PSD2: variants seen among roughly 807,000 people sequenced by gnomAD.
PSD2 encodes the protein PH and SEC7 domain-containing protein 2.
A neutral mutation model predicts 69.8 loss-of-function variants in PSD2; 38 were observed. That is an observed-to-expected ratio of 0.54 (90% CI 0.42 to 0.71). PSD2 has a LOEUF of 0.71. Ranked by LOEUF, PSD2 falls within the 30% of genes least tolerant of loss-of-function variation. The probability of loss-of-function intolerance (pLI) is 0.00; values close to 1 mark genes in which losing one functional copy is unlikely to be tolerated. For missense variants in PSD2, 943 were observed against 1,014.5 expected, an observed-to-expected ratio of 0.93 and a Z score of 0.96; for synonymous variants, 412 against 423.0, an observed-to-expected ratio of 0.97 and a Z score of 0.32.
chr5:139,805,129 G>A (rs890613627), intron 1 of PSD2, among the ~76,000 whole-genome samples: 1 of 152,198 alleles, frequency 6.6e-6, no homozygotes, highest in Non-Finnish European at 1.5e-5. Context: ...TTGTATGTCT[G>A]CTGTCAGGTC....
At chr5:139,804,410 T>G (rs549999087) in intron 1 of PSD2, among the ~76,000 whole-genome samples, 2 of 152,316 alleles carry the variant, frequency 1.3e-5, no homozygotes, top group East Asian at 3.9e-4. Context: ...CAAGGATGGA[T>G]AGAGGGCTTT....
the PSD2 span, among the ~76,000 whole-genome samples, chr5:139,757,992 G>A: frequency 1.3e-5 from 2 of 152,204 alleles, no homozygotes; most frequent in African/African-American, 4.8e-5. Flanking sequence ...AGTGAGCTAG[G>A]ATTGTGCCAC....
chr5:139,800,249 C>T (rs1338035577), intron 1 of PSD2, among the ~76,000 whole-genome samples: 1 of 152,254 alleles, frequency 6.6e-6, no homozygotes, highest in Non-Finnish European at 1.5e-5. Flanking sequence ...TGGCCTACCC[C>T]ACTCCTGCAC....
chr5:139,784,997 G>A, the PSD2 span, among the ~76,000 whole-genome samples: 2 of 151,786 alleles, frequency 1.3e-5, no homozygotes, highest in Non-Finnish European at 2.9e-5. Flanking sequence ...GACCTCAGGT[G>A]ATCTGCTCAC....
Position 139,840,017 on chromosome 5 carries a change from G to C in PSD2, c.1969-10G>C, listed in dbSNP as rs374158195. 9.3e-6 allele frequency: 15 copies of C among 1,614,160 alleles called. No homozygotes were observed. Among genetic ancestry groups the C allele is most frequent in the Non-Finnish European group, 1.3e-5 (15 of 1,179,996 alleles). ...AGTAAGGCCTCACAGTCCAGGATTT[G>C]TCTTTGCAGGAGGAGCAACTGCGGT... On this transcript the variant is annotated splice_polypyrimidine_tract_variant and intron_variant, in intron 13 of 14. Coordinates refer to ENST00000274710, the MANE Select transcript of PSD2 (RefSeq NM_032289.4).
chr5:139,833,681 A>T, intron 7 of PSD2, 21 bp from the exon 8 acceptor site: 1 of 1,592,904 alleles, frequency 6.3e-7, no homozygotes, highest in Non-Finnish European at 8.6e-7. Context: ...ACTCTTAGGC[A>T]GAACCATTTC....
Position 139,795,991 on chromosome 5 carries a change from G to A in PSD2, c.-51+16G>A, listed in dbSNP as rs1219561766. 1 of 150,994 alleles carries A rather than the reference G, an allele frequency of 6.6e-6. No homozygotes were observed. The highest frequency in any genetic ancestry group is 2.4e-5 in the African/African-American group (1 of 41,292). 9.4% of individuals were successfully genotyped at this position (150,994 alleles called of 1,614,324 possible). On this transcript the variant is annotated intron_variant, in intron 1 of 14. Transcript: ENST00000274710. This position sits in a 1 kb window ranked among gnomAD's most constrained non-coding sequence, Gnocchi z 4.5. ...ACCAGCAGCGGTGAGTGGGGCCGCGGGGCTCCGGGACCCGCCCCTCCCCGC... is the reference window on the plus strand; with the variant it reads ...ACCAGCAGCGGTGAGTGGGGCCGCGAGGCTCCGGGACCCGCCCCTCCCCGC...
Position 139,814,502 on chromosome 5 carries a change from C to T in PSD2, c.1016+138C>T. The T allele has an allele frequency of 1.4e-6, 1 of 715,614 alleles. No homozygotes were observed. Among genetic ancestry groups the T allele is most frequent in the Non-Finnish European group, 2.2e-6 (1 of 459,396 alleles). 44.3% of individuals were successfully genotyped at this position (715,614 alleles called of 1,614,324 possible). ...AACAGTTCCCCAAGGACACCTCCTC[C>T]CGCCACTGTCCTCATTCCTGGCCTC... is the stretch of plus-strand genomic sequence containing the variant. On this transcript the variant is annotated intron_variant, in intron 4 of 14. Coordinates refer to ENST00000274710, the MANE Select transcript of PSD2 (RefSeq NM_032289.4). The surrounding 1 kb of genome is among the most constrained non-coding windows in gnomAD (Gnocchi z 4.4).
intron 7 of PSD2, among the ~76,000 whole-genome samples, chr5:139,831,439 T>C (rs766740): frequency 0.17 from 26,249 of 152,210 alleles, 2,413 homozygotes; most frequent in African/African-American, 0.24. Context: ...TGTTTTCTCT[T>C]TGACTCCTCT....
At position 139,814,286 on chromosome 5, in the gene PSD2, C is replaced by T. The variant is rs1760061031; in HGVS notation, c.938C>T (p.Ala313Val). The T allele has an allele frequency of 6.2e-7, 1 of 1,613,810 alleles. No individual in the cohort carries two copies. The highest frequency in any genetic ancestry group is 8.5e-7 in the Non-Finnish European group (1 of 1,179,848). The stretch of plus-strand genomic sequence containing the variant: ...AACGGGTGCCAGGGGGTCAGTGAAG[C>T]TGCTCATCGGCTGGCACGCCGTCTC... ...LANGCQGVSE[A>V]AHRLARRLYH... Residue 313 changes from alanine to valine, a missense_variant, in exon 4 of 15, where the codon GCT becomes GTT. Transcript: ENST00000274710. The surrounding 1 kb of genome is among the most constrained non-coding windows in gnomAD (Gnocchi z 4.4).
the PSD2 span, among the ~76,000 whole-genome samples, chr5:139,751,066 T>C: frequency 6.6e-6 from 1 of 152,036 alleles, no homozygotes; most frequent in Admixed American, 6.5e-5. Context: ...CATGGCAGGG[T>C]CTGGATATCA....
the PSD2 span, among the ~76,000 whole-genome samples, chr5:139,751,694 T>C: frequency 6.6e-6 from 1 of 151,970 alleles, no homozygotes; most frequent in East Asian, 1.9e-4. Context: ...ATGTCGATGC[T>C]CATCACCGCC....
upstream of PSD2, among the ~76,000 whole-genome samples, chr5:139,791,345 G>A (rs144271830): frequency 1.9e-3 from 296 of 152,256 alleles, 1 homozygote; most frequent in Middle Eastern, 3.4e-3. Context: ...TGGGAGGATC[G>A]CTTGAGCCTG....
At chr5:139,747,095 T>C in the PSD2 span, among the ~76,000 whole-genome samples, 1 of 152,176 alleles carries the variant, frequency 6.6e-6, no homozygotes, top group Non-Finnish European at 1.5e-5. The surrounding 1 kb of genome is among the most constrained non-coding windows in gnomAD (Gnocchi z 6.7). Flanking sequence ...TGTCTCCGTG[T>C]CTATCTCCAC....
intron 1 of PSD2, 145 bp from the exon 2 acceptor site, chr5:139,809,246 C>T (rs758759595): frequency 4.3e-5 from 28 of 657,678 alleles, no homozygotes; most frequent in Admixed American, 1.8e-4. Context: ...CGAACCCACA[C>T]TCCAGCTGGA....
intron 1 of PSD2, among the ~76,000 whole-genome samples, chr5:139,797,902 G>C (rs1198690600): frequency 1.3e-5 from 2 of 152,182 alleles, no homozygotes; most frequent in Admixed American, 1.3e-4. Flanking sequence ...AGGTGGGATA[G>C]AGTGTCTCTC....
intron 3 of PSD2, 144 bp downstream of exon 3, chr5:139,813,902 T>G (rs1581719747): frequency 1.3e-6 from 1 of 767,150 alleles, no homozygotes; most frequent in Non-Finnish European, 2.0e-6. Context: ...GCATCCAGGC[T>G]TCCCACCCTG....
At chr5:139,815,391 G>A (rs1271824533) in intron 4 of PSD2, among the ~76,000 whole-genome samples, 1 of 152,110 alleles carries the variant, frequency 6.6e-6, no homozygotes, top group African/African-American at 2.4e-5. Context: ...ACTCCCTCCA[G>A]CAGCTAATTG....
At position 139,839,714 on chromosome 5, in the gene PSD2, G is replaced by T. The variant is rs529296957; in HGVS notation, c.1969-313G>T. On this transcript the variant is annotated intron_variant, in intron 13 of 14. Transcript: ENST00000274710. This position sits in a 1 kb window ranked among gnomAD's most constrained non-coding sequence, Gnocchi z 5.1. ...CATATGAGCTGGGTTTTGTGTGGGG[G>T]TCATTGTGTGTCTGTGTCAGGGACT... 3.9e-5 allele frequency among the ~76,000 whole-genome samples: 6 copies of T among 152,356 alleles called. No individual in the cohort carries two copies. The East Asian group carries it at 9.6e-4, about 24-fold the overall frequency.
Sources: allele counts gnomAD v4.1 joint callset (sites outside exome capture counted in the v4.1 genomes callset), GRCh38; gene constraint gnomAD v4.1.1; non-coding constraint Gnocchi (gnomAD v3.1); transcripts MANE v1.5; gene names NCBI Gene and HGNC (gene_info 2026-07-23, HGNC 2026-07-21).